Variants in SMIM8 observed in about 807,000 individuals in gnomAD.
SMIM8 encodes UPF0708 protein C6orf162.
A neutral mutation model predicts 8.1 loss-of-function variants in SMIM8; 8 were observed. The ratio of observed to expected loss-of-function variants is 0.99; its 90% CI spans 0.58 to 1.78. The LOEUF is 1.78. Ranked by LOEUF, SMIM8 falls within the 40% of genes most tolerant of loss-of-function variation. The pLI is 0.00. For synonymous variants in SMIM8, 45 were observed against 39.7 expected (o/e 1.13, Z -0.50); for missense variants, 126 against 119.8 (o/e 1.05, Z -0.24).
chr6:87,324,753 G>T (rs1776773192), intron 1 of SMIM8, among the ~76,000 whole-genome samples: 1 of 152,052 alleles, frequency 6.6e-6, no homozygotes, highest in South Asian at 2.1e-4. Flanking sequence ...GGCGATGTGG[G>T]CTCTTTTTTG....
Position 87,330,709 on chromosome 6 carries a change from A to G in SMIM8, c.-27A>G, listed in dbSNP as rs1776974564. 1 of 152,208 alleles carries G rather than the reference A, an allele frequency of 6.6e-6. No homozygotes were observed. Among genetic ancestry groups the G allele is most frequent in the African/African-American group, 2.4e-5 (1 of 41,458 alleles). 9.4% of individuals were successfully genotyped at this position (152,208 alleles called of 1,614,324 possible). A position where few individuals can be genotyped will look rare whatever the true frequency, so the allele number is the denominator to read the frequency against. On this transcript the variant is annotated 5_prime_UTR_variant, in exon 2 of 4. Coordinates refer to ENST00000392863, the MANE Select transcript of SMIM8 (RefSeq NM_001042493.3). ...CGTCACAGGAGGATGGACAGAAGAA[A>G]AAGGTAAAGAACATTTTACCAGAGA...
chr6:87,329,077 TCCCGAGTGAGGCAATGCCTCG>T (rs1414785934), intron 1 of SMIM8: 1 of 153,052 alleles, frequency 6.5e-6, no homozygotes, highest in African/African-American at 2.4e-5. Context: ...CCCTTGCACT[TCCCGAGTGAGGCAATGCCTCG>T]CCCTGCTTCG....
In SMIM8 at chr6:87,341,574, A is replaced by C. The variant is rs1332271059; in HGVS notation, c.*1300A>C. 3 of 332,000 alleles carry C rather than the reference A, an allele frequency of 9.0e-6. No homozygotes were observed. Among genetic ancestry groups the C allele is most frequent in the African/African-American group, 6.4e-5 (3 of 47,152 alleles). The allele number at this position is 332,000 out of a possible 1,614,324, so 20.6% of individuals were successfully genotyped here. A position where few individuals can be genotyped will look rare whatever the true frequency, so the allele number is the denominator to read the frequency against. On this transcript the variant is annotated 3_prime_UTR_variant, in exon 4 of 4. Transcript: ENST00000392863. The stretch of plus-strand genomic sequence containing the variant: ...CTGAAGTCTTGCTTCAGTCGCTATT[A>C]ATATTACCAAGTAATAATAACAGCA...
intron 2 of SMIM8, among the ~76,000 whole-genome samples, chr6:87,335,498 T>C (rs1777094981): frequency 1.3e-5 from 2 of 152,086 alleles, no homozygotes. Flanking sequence ...CCTTTGCAAG[T>C]ATAGAAAGTG....
intron 2 of SMIM8, among the ~76,000 whole-genome samples, chr6:87,335,771 A>G (rs943875180): frequency 1.4e-5 from 2 of 141,980 alleles, no homozygotes; most frequent in African/African-American, 5.2e-5. Flanking sequence ...GCACTTTGGG[A>G]GGCAGAAGCA....
chr6:87,334,710 G>T (rs1160079977), intron 2 of SMIM8, among the ~76,000 whole-genome samples: 1 of 152,182 alleles, frequency 6.6e-6, no homozygotes, highest in African/African-American at 2.4e-5. Flanking sequence ...GATGATTGGT[G>T]TTTCTACTGT....
intron 2 of SMIM8, among the ~76,000 whole-genome samples, chr6:87,334,290 C>T (rs183323225): frequency 4.6e-5 from 7 of 152,230 alleles, no homozygotes; most frequent in East Asian, 1.9e-4. Context: ...GCGGGCTGCC[C>T]GAACAAACTT....
At chr6:87,339,392 C>G (rs986008286) in intron 3 of SMIM8, among the ~76,000 whole-genome samples, 34 of 138,676 alleles carry the variant, frequency 2.5e-4, no homozygotes, top group African/African-American at 9.4e-4. Context: ...CTCTTAACCT[C>G]TTAACAACAA....
At position 87,337,178 on chromosome 6, in the gene SMIM8, A is replaced by G. The variant is rs1332671822; in HGVS notation, c.135+12A>G. ...TCTTCATTAAACCTGTAAGAAATAC[A>G]TCCAGGATAAGACTTTGTGTTTAAT... On this transcript the variant is annotated intron_variant, in intron 3 of 3. Transcript: ENST00000392863. The G allele has an allele frequency of 3.7e-6, 6 of 1,602,796 alleles. No individual in the cohort carries two copies. Among genetic ancestry groups the G allele is most frequent in the Non-Finnish European group, 3.4e-6 (4 of 1,174,832 alleles).
chr6:87,333,420 TCAAA>T (rs1324362908), intron 2 of SMIM8, among the ~76,000 whole-genome samples: 3 of 152,142 alleles, frequency 2.0e-5, no homozygotes, highest in Non-Finnish European at 2.9e-5. Flanking sequence ...ACGTTTATAG[TCAAA>T]CAAGTTTTTA....
chr6:87,327,974 A>C (rs1776874691), intron 1 of SMIM8, among the ~76,000 whole-genome samples: 1 of 150,970 alleles, frequency 6.6e-6, no homozygotes. Flanking sequence ...TTTTTTCTCT[A>C]AACTTCCCTT....
intron 3 of SMIM8, among the ~76,000 whole-genome samples, chr6:87,338,664 G>A (rs1481186133): frequency 3.9e-5 from 6 of 152,102 alleles, no homozygotes; most frequent in Admixed American, 3.3e-4. Flanking sequence ...TAATTTAAAG[G>A]GGGCTCACAT....
chr6:87,335,763 A>G (rs536820269), intron 2 of SMIM8, among the ~76,000 whole-genome samples: 3 of 148,860 alleles, frequency 2.0e-5, no homozygotes, highest in Non-Finnish European at 3.0e-5. Context: ...TAATCCCAGC[A>G]CTTTGGGAGG....
intron 1 of SMIM8, among the ~76,000 whole-genome samples, chr6:87,327,049 G>C (rs1776840322): frequency 6.7e-6 from 1 of 149,318 alleles, no homozygotes; most frequent in Non-Finnish European, 1.5e-5. Context: ...TTTGATCTTT[G>C]TTGGTTAAAA....
At chr6:87,339,917 T>G (rs1285198617) in intron 3 of SMIM8, among the ~76,000 whole-genome samples, 199 bp from the exon 4 acceptor site, 1 of 152,032 alleles carries the variant, frequency 6.6e-6, no homozygotes, top group East Asian at 1.9e-4. Flanking sequence ...GAAGCAAGAG[T>G]CTTCTATAAT....
At position 87,339,987 on chromosome 6, in the gene SMIM8, A is replaced by G. The variant is rs905370975; in HGVS notation, c.136-129A>G. On this transcript the variant is annotated intron_variant, in intron 3 of 3. Transcript: ENST00000392863. ...AGAACTGAATAAATGATTTTAATTG[A>G]AATATTGCCATGGTAATGCTAGTGT... 6.3e-6 allele frequency: 4 copies of G among 629,966 alleles called. No individual in the cohort carries two copies. In the African/African-American group the frequency reaches 7.5e-5, roughly 12 times the overall value. 39.0% of individuals were successfully genotyped at this position (629,966 alleles called of 1,614,324 possible).
rs1304378344 is a variant in SMIM8 at position 87,340,617 on chromosome 6, A to G, written c.*343A>G. The G allele has an allele frequency of 6.2e-6, 1 of 160,292 alleles. No homozygotes were observed. The highest frequency in any genetic ancestry group is 6.4e-5 in the Admixed American group (1 of 15,508). The allele number at this position is 160,292 out of a possible 1,614,324, so 9.9% of individuals were successfully genotyped here. The stretch of plus-strand genomic sequence containing the variant: ...TGTTTTAAATATTTTAAGATGAATT[A>G]TGCCGGTGCAGCTGTCGTGAAAGTT... On this transcript the variant is annotated 3_prime_UTR_variant, in exon 4 of 4. Transcript: ENST00000392863.
intron 1 of SMIM8, among the ~76,000 whole-genome samples, chr6:87,323,627 G>C (rs1359954741): frequency 6.6e-6 from 1 of 152,014 alleles, no homozygotes; most frequent in African/African-American, 2.4e-5. Context: ...TGGCTGCATA[G>C]TATTACATGG....
chr6:87,341,065 A>G lies in SMIM8; in HGVS notation c.*791A>G. The G allele has an allele frequency of 2.6e-6, 1 of 383,514 alleles. No homozygotes were observed. The highest frequency in any genetic ancestry group is 4.6e-6 in the Non-Finnish European group (1 of 217,260). The allele number at this position is 383,514 out of a possible 1,614,324, so 23.8% of individuals were successfully genotyped here. The stretch of plus-strand genomic sequence containing the variant: ...TGTTTATGTTAATTTGTGTTAATTA[A>G]TGTTACTGTAATGTTATAAACATAA... On this transcript the variant is annotated 3_prime_UTR_variant, in exon 4 of 4. Coordinates refer to ENST00000392863, the MANE Select transcript of SMIM8 (RefSeq NM_001042493.3).
Sources: gnomAD v4.1 joint callset for allele counts (sites outside exome capture counted in the v4.1 genomes callset) on GRCh38, gnomAD v4.1.1 for gene constraint, MANE v1.5 for transcripts, NCBI Gene and HGNC (gene_info 2026-07-23, HGNC 2026-07-21) for gene names.